Variants in COL22A1 observed in about 807,000 individuals in gnomAD.
COL22A1 encodes the protein collagen type XXII alpha 1 chain, also known as collagen alpha-1(XXII) chain.
COL22A1 carries 221 observed loss-of-function variants against 248.9 expected under a neutral mutation model. The observed-to-expected ratio is 0.89, with a 90% confidence interval of 0.80 to 0.99. The LOEUF (loss-of-function observed/expected upper bound fraction) is 0.99. Among genes scored for constraint, COL22A1 ranks in the 50% least tolerant of loss-of-function variants. COL22A1 has a pLI of 0.00. For synonymous variants in COL22A1, 891 were observed against 793.4 expected (o/e 1.12, Z -2.07); for missense variants, 2,240 against 2,179.0 (o/e 1.03, Z -0.56).
At chr8:138,805,210 GTGTGTGTGCA>G (rs1182472999) in intron 10 of COL22A1, among the ~76,000 whole-genome samples, 2 of 149,892 alleles carry the variant, frequency 1.3e-5, no homozygotes, top group Non-Finnish European at 3.0e-5. Context: ...GTGTGATGGG[GTGTGTGTGCA>G]TGTGTGTGAG....
chr8:138,844,821 G>T (rs536057494), intron 3 of COL22A1, among the ~76,000 whole-genome samples: 1 of 152,070 alleles, frequency 6.6e-6, no homozygotes, highest in South Asian at 2.1e-4. Flanking sequence ...GTGGTGGCAG[G>T]CGCCTGTAGT....
rs1828121626 is a variant in COL22A1 at position 138,703,334 on chromosome 8, G to C, written c.2531C>G (p.Pro844Arg). ...TCCAGGTAACCCGGGAGGGCCTGCA[G>C]GACCAGCTTCACCCTAGATGGAGAA... is the stretch of plus-strand genomic sequence containing the variant. ...GDRGEKGEAG[P>R]AGPPGLPGTT... The change falls in exon 31 of 65, where the codon CCT (proline) becomes CGT (arginine). Residue 844 changes from proline to arginine, a missense_variant. Coordinates refer to ENST00000303045, the MANE Select transcript of COL22A1 (RefSeq NM_152888.3). 6.2e-7 allele frequency: 1 copy of C among 1,613,688 alleles called. No homozygotes were observed. The highest frequency in any genetic ancestry group is 1.3e-5 in the African/African-American group (1 of 74,888).
chr8:138,739,393 G>A (rs1205494665), intron 22 of COL22A1, among the ~76,000 whole-genome samples: 3 of 152,108 alleles, frequency 2.0e-5, no homozygotes, highest in Admixed American at 2.0e-4. Context: ...ATTCAATTTT[G>A]TTTCTCCTGA....
chr8:138,609,500 G>A (rs1235912615), intron 56 of COL22A1, among the ~76,000 whole-genome samples: 1 of 152,128 alleles, frequency 6.6e-6, no homozygotes, highest in African/African-American at 2.4e-5. Context: ...GCCAGGGATC[G>A]CTGAGCTAGT....
intron 10 of COL22A1, among the ~76,000 whole-genome samples, chr8:138,806,008 CG>C (rs771428416): frequency 0.22 from 3,341 of 15,036 alleles, 390 homozygotes; most frequent in African/African-American, 0.44. Context: ...GTGTGTGTGA[CG>C]GTGTAGGTAA....
intron 39 of COL22A1, among the ~76,000 whole-genome samples, chr8:138,681,888 G>GA (rs1825991151): frequency 6.6e-6 from 1 of 152,154 alleles, no homozygotes; most frequent in Non-Finnish European, 1.5e-5. Context: ...ATCACCCTTA[G>GA]GAAAAAGCAC....
In COL22A1 at chr8:138,796,934, C is replaced by A. The variant is rs892234455; in HGVS notation, c.1558-77G>T. The A allele has an allele frequency of 6.3e-6, 6 of 951,758 alleles. No homozygotes were observed. In the Admixed American group the frequency reaches 1.0e-4, roughly 16 times the overall value. The allele number at this position is 951,758 out of a possible 1,614,324, so 59.0% of individuals were successfully genotyped here. A position where few individuals can be genotyped will look rare whatever the true frequency, so the allele number is the denominator to read the frequency against. On this transcript the variant is annotated intron_variant, in intron 11 of 64. Transcript: ENST00000303045. ...GACATTGCAAATGGCAACATCATCC[C>A]GAGATTTGAAAGGATTAGATATTTT...
At chr8:138,871,113 A>G (rs550397806) in intron 3 of COL22A1, among the ~76,000 whole-genome samples, 1 of 152,120 alleles carries the variant, frequency 6.6e-6, no homozygotes, top group East Asian at 1.9e-4. Context: ...TTAGAGGGAG[A>G]CAGTGCCTAG....
intron 23 of COL22A1, among the ~76,000 whole-genome samples, chr8:138,729,997 A>G (rs1031838769): frequency 3.9e-5 from 6 of 152,118 alleles, no homozygotes; most frequent in African/African-American, 1.4e-4. Flanking sequence ...TCCTGTGAGG[A>G]CCTGGACGTG....
chr8:138,636,524 A>G (rs1238488593), intron 48 of COL22A1, among the ~76,000 whole-genome samples: 1 of 151,408 alleles, frequency 6.6e-6, no homozygotes, highest in African/African-American at 2.4e-5. Flanking sequence ...AGGAAAGGAA[A>G]GGAAAGGAAA....
intron 52 of COL22A1, among the ~76,000 whole-genome samples, chr8:138,622,685 C>T (rs1288453990): frequency 6.6e-6 from 1 of 152,122 alleles, no homozygotes; most frequent in Admixed American, 6.5e-5. Flanking sequence ...AAAAGATAGG[C>T]CCACAACTAT....
At chr8:138,809,528 C>CTTTTTTTTTTTTTTT (rs71518485) in intron 9 of COL22A1, among the ~76,000 whole-genome samples, 6 of 117,668 alleles carry the variant, frequency 5.1e-5, no homozygotes, top group Admixed American at 8.7e-5. Context: ...TTTTCTTTTT[C>CTTTTTTTTTTTTTTT]TTTTTTTTTT....
At chr8:138,861,260 C>T (rs1445388281) in intron 3 of COL22A1, among the ~76,000 whole-genome samples, 3 of 152,174 alleles carry the variant, frequency 2.0e-5, no homozygotes, top group East Asian at 1.9e-4. Flanking sequence ...CTCCACTCAC[C>T]GCTTCCGGGC....
intron 18 of COL22A1, 103 bp downstream of exon 18, chr8:138,760,140 T>C: frequency 1.2e-6 from 1 of 852,370 alleles, no homozygotes; most frequent in Middle Eastern, 3.5e-4. Flanking sequence ...GTTCCCAGAG[T>C]TGCCACCCAG....
intron 3 of COL22A1, among the ~76,000 whole-genome samples, chr8:138,865,773 C>T (rs546443955): frequency 8.8e-6 from 1 of 114,100 alleles, no homozygotes; most frequent in East Asian, 2.6e-4. Flanking sequence ...TTGTATGCCT[C>T]TGAGTGTATG....
At chr8:138,747,981 A>T (rs1414791766) in intron 22 of COL22A1, among the ~76,000 whole-genome samples, 3 of 152,216 alleles carry the variant, frequency 2.0e-5, no homozygotes, top group Admixed American at 2.0e-4. Context: ...TACACCAATG[A>T]GTTTCCAAAC....
intron 26 of COL22A1, 22 bp downstream of exon 26, chr8:138,722,014 G>A: frequency 1.3e-6 from 2 of 1,559,730 alleles, no homozygotes. Flanking sequence ...CCAAACTGGT[G>A]CCAACCGCAT....
intron 12 of COL22A1, among the ~76,000 whole-genome samples, chr8:138,783,288 A>AAT (rs1405528635): frequency 1.3e-5 from 2 of 152,024 alleles, no homozygotes; most frequent in South Asian, 2.1e-4. Flanking sequence ...GGACAGAACA[A>AAT]ATATATATAT....
chr8:138,879,827 C>T (rs1234313499), intron 2 of COL22A1, among the ~76,000 whole-genome samples: 2 of 136,230 alleles, frequency 1.5e-5, no homozygotes, highest in Non-Finnish European at 3.1e-5. Context: ...CAGGCACAAA[C>T]ATTTGGCTAT....
Sources: gnomAD v4.1 joint callset for allele counts (sites outside exome capture counted in the v4.1 genomes callset) on GRCh38, gnomAD v4.1.1 for gene constraint, MANE v1.5 for transcripts, NCBI Gene and HGNC (gene_info 2026-07-23, HGNC 2026-07-21) for gene names.